Variants in ELMOD3 observed in about 807,000 individuals in gnomAD.
ELMOD3 encodes ELMO domain-containing protein 3.
In ELMOD3, 36 loss-of-function variants were observed where a neutral mutation model predicts 47.4. That is an observed-to-expected ratio of 0.76 (90% CI 0.58 to 1.00). The LOEUF is 1.00. Ranked by LOEUF, ELMOD3 falls within the 50% of genes least tolerant of loss-of-function variation. The pLI is 0.00. For synonymous variants in ELMOD3, 149 were observed against 183.5 expected, an observed-to-expected ratio of 0.81 and a Z score of 1.52; for missense variants, 404 against 463.8, an observed-to-expected ratio of 0.87 and a Z score of 1.18.
chr2:85,383,732 A>G (rs1354065952), intron 11 of ELMOD3, among the ~76,000 whole-genome samples: 1 of 152,186 alleles, frequency 6.6e-6, no homozygotes. Flanking sequence ...TCATGCTGGT[A>G]CCAAGCATGG....
At chr2:85,388,877 A>T (rs1686117518) in intron 11 of ELMOD3, among the ~76,000 whole-genome samples, 1 of 152,240 alleles carries the variant, frequency 6.6e-6, no homozygotes, top group South Asian at 2.1e-4. Flanking sequence ...ACTGGGAAGC[A>T]GGTGGGATAA....
chr2:85,381,137 C>A (rs1050639925), intron 11 of ELMOD3, among the ~76,000 whole-genome samples: 2 of 152,078 alleles, frequency 1.3e-5, no homozygotes, highest in African/African-American at 4.8e-5. Flanking sequence ...AATTTTTATA[C>A]CAAATAAGCC....
chr2:85,387,532 C>T (rs1036119849), intron 11 of ELMOD3, among the ~76,000 whole-genome samples: 2 of 151,900 alleles, frequency 1.3e-5, no homozygotes, highest in African/African-American at 2.4e-5. Context: ...CGTGGTGGCA[C>T]GTGCCTATAG....
intron 4 of ELMOD3, among the ~76,000 whole-genome samples, chr2:85,358,208 G>A (rs1391967597): frequency 6.6e-6 from 1 of 151,500 alleles, no homozygotes; most frequent in Non-Finnish European, 1.5e-5. Flanking sequence ...GAACCCAGGA[G>A]GCGGAGGTTG....
intron 11 of ELMOD3, among the ~76,000 whole-genome samples, chr2:85,377,889 C>G (rs541306588): frequency 3.9e-5 from 6 of 152,222 alleles, no homozygotes; most frequent in African/African-American, 1.4e-4. Flanking sequence ...ACTGCTGTGT[C>G]CGGTTTCTAT....
intron 11 of ELMOD3, among the ~76,000 whole-genome samples, chr2:85,387,799 G>A (rs1686044691): frequency 6.6e-6 from 1 of 152,010 alleles, no homozygotes; most frequent in African/African-American, 2.4e-5. Flanking sequence ...GAGACTCAAG[G>A]GACTCTACGT....
chr2:85,374,641 C>CA lies in ELMOD3; in HGVS notation c.608-2692dup, dbSNP rs530056930. On this transcript the variant is annotated intron_variant, in intron 10 of 13. Coordinates refer to ENST00000409013, the MANE Select transcript of ELMOD3 (RefSeq NM_001135022.2). ...ACAGGCATAAGCCACCATGCCTGGC[C>CA]AAAAAAAAAAACTTTTGTTTAGTAG... is the stretch of plus-strand genomic sequence containing the variant. 8.4e-3 allele frequency among the ~76,000 whole-genome samples: 1,180 copies of CA among 140,872 alleles called. 4 individuals are homozygous for CA. Among genetic ancestry groups the CA allele is most frequent in the Middle Eastern group, 0.036 (10 of 278 alleles). 92.4% of individuals were successfully genotyped at this position (140,872 alleles called of 152,430 possible).
intron 11 of ELMOD3, among the ~76,000 whole-genome samples, chr2:85,384,870 T>A (rs1685824048): frequency 2.0e-5 from 3 of 152,168 alleles, no homozygotes; most frequent in Admixed American, 2.0e-4. Flanking sequence ...TTTTTCAGCA[T>A]CCCTTGGTGC....
chr2:85,381,924 T>C (rs531633010), intron 11 of ELMOD3, among the ~76,000 whole-genome samples: 1 of 151,742 alleles, frequency 6.6e-6, no homozygotes, highest in African/African-American at 2.4e-5. Flanking sequence ...AAGACCATCC[T>C]GGCCAACACG....
intron 11 of ELMOD3, among the ~76,000 whole-genome samples, chr2:85,386,487 C>T (rs1383952023): frequency 4.1e-5 from 6 of 148,064 alleles, no homozygotes; most frequent in Non-Finnish European, 5.9e-5. Flanking sequence ...TGAGTTCAAG[C>T]GATTCTTCTG....
At chr2:85,354,902 G>C (rs1169420536) in intron 1 of ELMOD3, 73 bp downstream of exon 1, 3 of 175,232 alleles carry the variant, frequency 1.7e-5, no homozygotes, top group Admixed American at 5.6e-5. Context: ...CCTGAGGAGG[G>C]AGGGAGAATG....
chr2:85,361,210 TTTG>T (rs1191967295), intron 4 of ELMOD3, among the ~76,000 whole-genome samples: 1 of 80,798 alleles, frequency 1.2e-5, no homozygotes, highest in Non-Finnish European at 3.0e-5. Context: ...TGGTCGGTTT[TTTG>T]TTTTTCATCT....
In ELMOD3 at chr2:85,369,788, G is replaced by A. The variant is rs769769449; in HGVS notation, c.318G>A (p.Glu106=). 6.2e-7 allele frequency: 1 copy of A among 1,614,146 alleles called. No homozygotes were observed. The highest frequency in any genetic ancestry group is 8.5e-7 in the Non-Finnish European group (1 of 1,179,996). ...EQPGQLISFS[E]ALQHFQTVDL... The stretch of plus-strand genomic sequence containing the variant: ...CTGGGCAGCTAATCTCCTTCAGTGA[G>A]GCCCTGCAGCACTTCCAGACTGTGG... Residue 106 remains glutamate (E), a synonymous_variant, in exon 8 of 14, where the codon GAG becomes GAA. Coordinates refer to ENST00000409013, the MANE Select transcript of ELMOD3 (RefSeq NM_001135022.2).
At chr2:85,374,004 T>C (rs542471108) in intron 10 of ELMOD3, among the ~76,000 whole-genome samples, 1 of 151,952 alleles carries the variant, frequency 6.6e-6, no homozygotes, top group Admixed American at 6.6e-5. Flanking sequence ...TTGTCTTTGT[T>C]TTCCTTCATC....
At chr2:85,377,101 G>A (rs747327661) in intron 10 of ELMOD3, among the ~76,000 whole-genome samples, 8 of 152,192 alleles carry the variant, frequency 5.3e-5, no homozygotes, top group Non-Finnish European at 1.5e-5. Flanking sequence ...AACTATCAAG[G>A]GTCATAGGCA....
intron 4 of ELMOD3, 120 bp from the exon 5 acceptor site, chr2:85,362,066 A>G (rs1684010921): frequency 4.5e-6 from 3 of 669,418 alleles, no homozygotes; most frequent in Non-Finnish European, 7.9e-6. Flanking sequence ...TCCCTATGTA[A>G]CAAACCTGCA....
chr2:85,390,497 G>C (rs1420619572), intron 13 of ELMOD3: 3 of 1,601,328 alleles, frequency 1.9e-6, no homozygotes, highest in Non-Finnish European at 2.6e-6. Flanking sequence ...CATATATTCT[G>C]ATCAAAAATT....
At chr2:85,357,407 T>C in intron 4 of ELMOD3, 155 bp downstream of exon 4, 1 of 457,282 alleles carries the variant, frequency 2.2e-6, no homozygotes. Context: ...CACCTCAGGG[T>C]CAATTGCTTT....
Position 85,357,136 on chromosome 2 carries a change from G to T in ELMOD3, c.-63G>T. On this transcript the variant is annotated 5_prime_UTR_variant, in exon 4 of 14. Coordinates refer to ENST00000409013, the MANE Select transcript of ELMOD3 (RefSeq NM_001135022.2). ...GCTCTCCACATAGCTTCTGATCTCAGACCTTACTAAAATGCTTTCTGGGCC... is the reference window on the plus strand; with the variant it reads ...GCTCTCCACATAGCTTCTGATCTCATACCTTACTAAAATGCTTTCTGGGCC... 1 of 1,200,416 alleles carries T rather than the reference G, an allele frequency of 8.3e-7. No individual in the cohort carries two copies. Among genetic ancestry groups the T allele is most frequent in the South Asian group, 1.3e-5 (1 of 75,860 alleles). The allele number at this position is 1,200,416 out of a possible 1,614,324, so 74.4% of individuals were successfully genotyped here. A position where few individuals can be genotyped will look rare whatever the true frequency, so the allele number is the denominator to read the frequency against.
Sources: allele counts gnomAD v4.1 joint callset (sites outside exome capture counted in the v4.1 genomes callset), GRCh38; gene constraint gnomAD v4.1.1; transcripts MANE v1.5; gene names NCBI Gene and HGNC (gene_info 2026-07-23, HGNC 2026-07-21).